The following KMT2A variants were observed in gnomAD, a reference collection of about 807,000 sequenced individuals.
KMT2A encodes the protein lysine methyltransferase 2A.
KMT2A carries 16 observed loss-of-function variants against 345.3 expected under a neutral mutation model. The observed-to-expected ratio is 0.05, with a 90% CI of 0.03 to 0.07. KMT2A has a LOEUF of 0.07. Among genes scored for constraint, KMT2A ranks in the 10% least tolerant of loss-of-function variants. The probability of loss-of-function intolerance (pLI) is 1.00; values close to 1 mark genes in which losing one functional copy is unlikely to be tolerated. For missense variants in KMT2A, 3,272 were observed against 4,841.6 expected, an observed-to-expected ratio of 0.68 and a Z score of 9.62; for synonymous variants, 1,599 against 1,778.6, an observed-to-expected ratio of 0.90 and a Z score of 2.54.
intron 1 of KMT2A, among the ~76,000 whole-genome samples, chr11:118,461,760 G>T (rs900743408): frequency 2.3e-4 from 35 of 152,072 alleles, no homozygotes; most frequent in African/African-American, 8.2e-4. Flanking sequence ...AGCTTCTTTT[G>T]TCTTTTTTAT....
At chr11:118,511,330 A>T (rs1206264945) in intron 30 of KMT2A, among the ~76,000 whole-genome samples, 1 of 152,178 alleles carries the variant, frequency 6.6e-6, no homozygotes, top group East Asian at 1.9e-4. Context: ...GACCCTAAAG[A>T]TTCAGGCCTG....
intron 31 of KMT2A, among the ~76,000 whole-genome samples, chr11:118,514,559 G>A (rs1437390699): frequency 6.6e-6 from 1 of 151,416 alleles, no homozygotes; most frequent in South Asian, 2.1e-4. Context: ...TCCTGCTTCA[G>A]CCTCCTGAGT....
intron 27 of KMT2A, 66 bp from the exon 28 acceptor site, chr11:118,507,463 A>T: frequency 7.2e-7 from 1 of 1,390,926 alleles, no homozygotes; most frequent in South Asian, 1.2e-5. Context: ...CTTTCGACTC[A>T]CCTCCACATT....
chr11:118,501,058 G>A lies in KMT2A; in HGVS notation c.6230G>A (p.Cys2077Tyr). 1 of 1,614,080 alleles carries A rather than the reference G, an allele frequency of 6.2e-7. No individual in the cohort carries two copies. Among genetic ancestry groups the A allele is most frequent in the Non-Finnish European group, 8.5e-7 (1 of 1,179,934 alleles). Residue 2077 changes from cysteine (C) to tyrosine (Y), a missense_variant, in exon 25 of 36, where the codon TGC (cysteine) becomes TAC (tyrosine). Physicochemically the swap from Cys to Tyr is radical, Grantham distance 194. This residue lies in a region of KMT2A where 235 missense variants were observed against 503.4 expected (regional missense o/e 0.47). Coordinates refer to ENST00000534358, the MANE Select transcript of KMT2A (RefSeq NM_001197104.2). ...GTATATACATGCAAGATAGTGGAGT[G>A]CCGTCCTCCAGTCGTAGAGCCGGAT... ...RCVYTCKIVE[C>Y]RPPVVEPDIN...
rs1555043081 is a variant in KMT2A, at chr11:118,493,167, T to TCAG, written c.5120_5122dup (p.Gln1707dup). On this transcript the variant is annotated inframe_insertion, in exon 16 of 36. Coordinates refer to ENST00000534358, the MANE Select transcript of KMT2A (RefSeq NM_001197104.2). The surrounding 1 kb of genome is among the most constrained non-coding windows in gnomAD (Gnocchi z 5.8). ...TTACTGAGGTCAGCAAACAGGATGATCAGCAGCCTTTAGATCTAGAAGGAG... is the reference window on the plus strand; with the variant it reads ...TTACTGAGGTCAGCAAACAGGATGATCAGCAGCAGCCTTTAGATCTAGAAGGAG... 3.1e-6 allele frequency: 5 copies of TCAG among 1,614,114 alleles called. No homozygotes were observed. The South Asian group carries it at 5.5e-5, about 18-fold the overall frequency.
rs868982564 is a variant in KMT2A, at chr11:118,521,604, A to G, written c.11643+187A>G. ...ATCCACTCTGAGGATTAGTACAGAA[A>G]GTTGCTCTTAGAAGGTTTGTCTGAG... On this transcript the variant is annotated intron_variant, in intron 35 of 35. Coordinates refer to ENST00000534358, the MANE Select transcript of KMT2A (RefSeq NM_001197104.2). This position sits in a 1 kb window ranked among gnomAD's most constrained non-coding sequence, Gnocchi z 5.3. Among the ~76,000 whole-genome samples, 7 of 152,226 alleles carry G rather than the reference A, an allele frequency of 4.6e-5. No homozygotes were observed. Among genetic ancestry groups the G allele is most frequent in the African/African-American group, 1.7e-4 (7 of 41,466 alleles).
Position 118,473,025 on chromosome 11 carries a change from A to G in KMT2A, c.1866A>G (p.Leu622=), listed in dbSNP as rs141971802. 6.8e-6 allele frequency: 11 copies of G among 1,614,100 alleles called. No individual in the cohort carries two copies. In the African/African-American group the frequency reaches 1.5e-4, roughly 22 times the overall value. Residue 622 remains leucine (L), a synonymous_variant, in exon 3 of 36, where the codon TTA becomes TTG. Transcript: ENST00000534358. This position sits in a 1 kb window ranked among gnomAD's most constrained non-coding sequence, Gnocchi z 5.2. ...LREPTFRWTS[L]KHSRSEPQYF... is the part of the protein sequence containing the mutation. ...AACCGACATTTAGGTGGACTTCTTTAAAGCATTCTAGGTCAGAGCCACAAT... is the reference window on the plus strand; with the variant it reads ...AACCGACATTTAGGTGGACTTCTTTGAAGCATTCTAGGTCAGAGCCACAAT...
intron 1 of KMT2A, among the ~76,000 whole-genome samples, 185 bp downstream of exon 1, chr11:118,437,129 C>T (rs1949203605): frequency 2.6e-5 from 4 of 151,708 alleles, no homozygotes; most frequent in Non-Finnish European, 5.9e-5. Flanking sequence ...GCCCCCACCC[C>T]GGGGTTTGGG....
In KMT2A at chr11:118,505,816, T is replaced by C. The variant is rs1555048010; in HGVS notation, c.9924T>C (p.Ser3308=). The C allele has an allele frequency of 6.2e-7, 1 of 1,614,064 alleles. No homozygotes were observed. The change falls in exon 27 of 36, where the codon AGT becomes AGC. Residue 3308 remains serine (S), a synonymous_variant. Coordinates refer to ENST00000534358, the MANE Select transcript of KMT2A (RefSeq NM_001197104.2). The surrounding 1 kb of genome is among the most constrained non-coding windows in gnomAD (Gnocchi z 4.6). ...YFEPAPLLPQ[S]VGGTAATAAG... is the part of the protein sequence containing the mutation. ...AACCGGCACCCCTGTTACCACAGAG[T>C]GTGGGAGGAACTGCTGCCACAGCGG...
Position 118,491,658 on chromosome 11 carries a change from A to T in KMT2A, c.4820-86A>T, listed in dbSNP as rs1950325836. 2 of 1,048,254 alleles carry T rather than the reference A, an allele frequency of 1.9e-6. No homozygotes were observed. The highest frequency in any genetic ancestry group is 2.8e-6 in the Non-Finnish European group (2 of 721,216). The allele number at this position is 1,048,254 out of a possible 1,614,324, so 64.9% of individuals were successfully genotyped here. ...AATGTGGTTCCCAACATATGGCTTT[A>T]TAGTAAGTTCAGTGGAATAGTTTCC... On this transcript the variant is annotated intron_variant, in intron 14 of 35. Transcript: ENST00000534358. The surrounding 1 kb of genome is among the most constrained non-coding windows in gnomAD (Gnocchi z 4.2).
Position 118,436,686 on chromosome 11 carries a change from G to A in KMT2A, c.174G>A (p.Pro58=), listed in dbSNP as rs1949188556. Residue 58 remains proline (P), a synonymous_variant, in exon 1 of 36, where the codon CCG becomes CCA. Coordinates refer to ENST00000534358, the MANE Select transcript of KMT2A (RefSeq NM_001197104.2). The surrounding 1 kb of genome is among the most constrained non-coding windows in gnomAD (Gnocchi z 6.9). The part of the protein sequence containing the change: ...GGGPGAPPSP[P]AVAAAAAAAG... ...GCCCCGGGGCGCCCCCCTCCCCCCC[G>A]GCTGTGGCGGCCGCGGCGGCGGCGG... The A allele has an allele frequency of 8.0e-7, 1 of 1,245,994 alleles. No individual in the cohort carries two copies. The highest frequency in any genetic ancestry group is 3.8e-5 in the Admixed American group (1 of 26,200). 77.2% of individuals were successfully genotyped at this position (1,245,994 alleles called of 1,614,324 possible).
In KMT2A at chr11:118,468,853, A is replaced by G. The variant is rs1949894461; in HGVS notation, c.502+9A>G. 1 of 1,609,344 alleles carries G rather than the reference A, an allele frequency of 6.2e-7. No homozygotes were observed. The highest frequency in any genetic ancestry group is 1.3e-5 in the African/African-American group (1 of 74,796). On this transcript the variant is annotated intron_variant, in intron 2 of 35. Transcript: ENST00000534358. ...CACAAGGTCTCCTTCAGGTACGGCCAATTAAGTGCATGGTGCCTTTTAAGT... is the reference window on the plus strand; with the variant it reads ...CACAAGGTCTCCTTCAGGTACGGCCGATTAAGTGCATGGTGCCTTTTAAGT...
Position 118,478,183 on chromosome 11 carries a change from T to C in KMT2A, c.3551T>C (p.Ile1184Thr), listed in dbSNP as rs782218911. ...LDKPKFGGRN[I>T]KKQCCKMRKC... ...AAGCCCAAGTTTGGTGGTCGCAATA[T>C]AAAGAAGCAGTGCTGCAAGTAAGTG... Residue 1184 changes from isoleucine (I) to threonine (T), a missense_variant, in exon 5 of 36, where the codon ATA becomes ACA. Physicochemically the swap from Ile to Thr is moderately conservative, Grantham distance 89. Transcript: ENST00000534358. 1 of 1,613,850 alleles carries C rather than the reference T, an allele frequency of 6.2e-7. No homozygotes were observed. The highest frequency in any genetic ancestry group is 8.5e-7 in the Non-Finnish European group (1 of 1,179,810).
intron 31 of KMT2A, among the ~76,000 whole-genome samples, chr11:118,515,838 G>A (rs782793308): frequency 1.4e-4 from 21 of 151,764 alleles, no homozygotes; most frequent in Non-Finnish European, 2.5e-4. Context: ...ACAGGTACAC[G>A]CCACCACACC....
At position 118,491,378 on chromosome 11, in the gene KMT2A, T is replaced by A; in HGVS notation, c.4819+60T>A. 6.6e-7 allele frequency: 1 copy of A among 1,517,456 alleles called. No individual in the cohort carries two copies. The highest frequency in any genetic ancestry group is 8.9e-7 in the Non-Finnish European group (1 of 1,119,082). The allele number at this position is 1,517,456 out of a possible 1,614,324, so 94.0% of individuals were successfully genotyped here. ...AGGTACTACTACATTTATTAGCCTC[T>A]AGAGCACTTTAAACCTAAAATTATG... is the stretch of plus-strand genomic sequence containing the variant. On this transcript the variant is annotated intron_variant, in intron 14 of 35. Coordinates refer to ENST00000534358, the MANE Select transcript of KMT2A (RefSeq NM_001197104.2). The surrounding 1 kb of genome is among the most constrained non-coding windows in gnomAD (Gnocchi z 4.2).
At chr11:118,483,505 C>T (rs989836034) in intron 8 of KMT2A, among the ~76,000 whole-genome samples, 1 of 152,128 alleles carries the variant, frequency 6.6e-6, no homozygotes, top group Non-Finnish European at 1.5e-5. Flanking sequence ...TGCACTCCAG[C>T]TTGGGTGACA....
rs950082617 is a variant in KMT2A at position 118,486,894 on chromosome 11, A to T, written c.4333-1720A>T. 3.9e-5 allele frequency among the ~76,000 whole-genome samples: 6 copies of T among 152,198 alleles called. No individual in the cohort carries two copies. In the East Asian group the frequency reaches 9.7e-4, roughly 25 times the overall value. On this transcript the variant is annotated intron_variant, in intron 10 of 35. Transcript: ENST00000534358. ...CTAAGCAAGACCCTGTCTCAAAAAA[A>T]TTTTTAAAAATTTAAAAAATAAGAA...
chr11:118,493,100 T>C lies in KMT2A; in HGVS notation c.5048T>C (p.Ile1683Thr). The C allele has an allele frequency of 1.2e-6, 2 of 1,614,008 alleles. No homozygotes were observed. Among genetic ancestry groups the C allele is most frequent in the South Asian group, 2.2e-5 (2 of 91,072 alleles). ...TTAAATCCCGAGACAGAGGAGAGTATACCTTCCCGCAGCTCCCCCGAAGGA... is the reference window on the plus strand; with the variant it reads ...TTAAATCCCGAGACAGAGGAGAGTACACCTTCCCGCAGCTCCCCCGAAGGA... ...PDLNPETEES[I>T]PSRSSPEGPD... The change falls in exon 16 of 36, where the codon ATA becomes ACA. Residue 1683 changes from isoleucine to threonine, a missense_variant. Coordinates refer to ENST00000534358, the MANE Select transcript of KMT2A (RefSeq NM_001197104.2). This position sits in a 1 kb window ranked among gnomAD's most constrained non-coding sequence, Gnocchi z 5.8.
chr11:118,501,885 C>G, intron 26 of KMT2A, 28 bp downstream of exon 26: 3 of 1,552,106 alleles, frequency 1.9e-6, no homozygotes, highest in Non-Finnish European at 2.6e-6. Flanking sequence ...CCTACTTGAC[C>G]TAAGAAGATC....
Sources: gnomAD v4.1 joint callset for allele counts (sites outside exome capture counted in the v4.1 genomes callset) on GRCh38, gnomAD v4.1.1 for gene constraint, gnomAD v4.1.1 regional missense constraint, Gnocchi (gnomAD v3.1) non-coding constraint, MANE v1.5 for transcripts, NCBI Gene and HGNC (gene_info 2026-07-23, HGNC 2026-07-21) for gene names.